Variants in ALDH4A1 observed in about 807,000 individuals in gnomAD.
The protein encoded by ALDH4A1 is aldehyde dehydrogenase 4 family member A1, also known as delta-1-pyrroline-5-carboxylate dehydrogenase, mitochondrial.
In ALDH4A1, 46 loss-of-function variants were observed where a neutral mutation model predicts 70.5. That is an observed-to-expected ratio of 0.65 (90% CI 0.51 to 0.83). The LOEUF is 0.83. Among genes scored for constraint, ALDH4A1 ranks in the 40% least tolerant of loss-of-function variants. The probability of loss-of-function intolerance (pLI) is 0.00; values close to 1 mark genes in which losing one functional copy is unlikely to be tolerated. For synonymous variants in ALDH4A1, 323 were observed against 324.3 expected, an observed-to-expected ratio of 1.00 and a Z score of 0.04; for missense variants, 749 against 766.5, an observed-to-expected ratio of 0.98 and a Z score of 0.27.
intron 14 of ALDH4A1, 131 bp from the exon 15 acceptor site, chr1:18,873,088 G>C (rs958308175): frequency 1.3e-6 from 1 of 771,974 alleles, no homozygotes; most frequent in Non-Finnish European, 2.2e-6. Flanking sequence ...CAAGCTTGGG[G>C]CATGCAGAAG....
Position 18,873,021 on chromosome 1 carries a change from G to T in ALDH4A1, c.1580-64C>A. The T allele has an allele frequency of 2.1e-6, 3 of 1,396,582 alleles. No homozygotes were observed. In the South Asian group the frequency reaches 3.5e-5, roughly 16 times the overall value. The allele number at this position is 1,396,582 out of a possible 1,614,324, so 86.5% of individuals were successfully genotyped here. A position where few individuals can be genotyped will look rare whatever the true frequency, so the allele number is the denominator to read the frequency against. On this transcript the variant is annotated intron_variant, in intron 14 of 14. Coordinates refer to ENST00000375341, the MANE Select transcript of ALDH4A1 (RefSeq NM_003748.4). The stretch of plus-strand genomic sequence containing the variant: ...CAACAGCCTGGGCAGAAGGGGAAGG[G>T]AGGAGATGATGGAATCAACGGACCA...
At chr1:18,899,675 T>C (rs1935735597) in intron 1 of ALDH4A1, among the ~76,000 whole-genome samples, 1 of 152,222 alleles carries the variant, frequency 6.6e-6, no homozygotes, top group Non-Finnish European at 1.5e-5. Flanking sequence ...ATGGGGGTGG[T>C]AACCCCTACA....
intron 7 of ALDH4A1, 46 bp from the exon 8 acceptor site, chr1:18,881,933 C>T (rs749411933): frequency 1.8e-4 from 284 of 1,544,776 alleles, no homozygotes; most frequent in South Asian, 3.5e-4. Context: ...GCGCCACCAG[C>T]CCCCAACCCC....
At chr1:18,878,991 A>T (rs1001545172) in intron 9 of ALDH4A1, among the ~76,000 whole-genome samples, 1 of 152,294 alleles carries the variant, frequency 6.6e-6, no homozygotes, top group South Asian at 2.1e-4. Context: ...CACGGCAGCC[A>T]CCAGCCACGA....
At chr1:18,889,575 G>T in intron 2 of ALDH4A1, 121 bp from the exon 3 acceptor site, 1 of 885,008 alleles carries the variant, frequency 1.1e-6, no homozygotes, top group Non-Finnish European at 1.8e-6. Flanking sequence ...AAGGGGGCCA[G>T]GCCAGGTCGG....
chr1:18,876,264 G>A lies in ALDH4A1; in HGVS notation c.1338+51C>T, dbSNP rs75470388. On this transcript the variant is annotated intron_variant, in intron 12 of 14. Transcript: ENST00000375341. ...TCCAGGAGAACTGTGTGTGTGCTGT[G>A]CTCCGGTGGGATTGTCCTCCTCTGG... The A allele has an allele frequency of 2.8e-4, 452 of 1,597,968 alleles. 1 individual carries two copies. In the East Asian group the frequency reaches 9.6e-3, roughly 34 times the overall value.
intron 1 of ALDH4A1, among the ~76,000 whole-genome samples, chr1:18,896,066 G>A (rs911774920): frequency 7.9e-5 from 12 of 152,230 alleles, no homozygotes; most frequent in Non-Finnish European, 1.6e-4. Context: ...TGCTTGAGAT[G>A]TCCTCCACTG....
At chr1:18,902,300 C>G (rs576300110) in intron 1 of ALDH4A1, among the ~76,000 whole-genome samples, 162 bp downstream of exon 1, 2 of 152,154 alleles carry the variant, frequency 1.3e-5, no homozygotes, top group Non-Finnish European at 2.9e-5. Flanking sequence ...GGAGAAAGGC[C>G]TGGGTGGGGG....
rs1935682336 is a variant in ALDH4A1 at position 18,898,045 on chromosome 1, G to C, written c.62+4417C>G. ...AAACCCTAACAGAAGGTCGGACGCA[G>C]TGGCTCACGCCTATAATCCCAGCAC... On this transcript the variant is annotated intron_variant, in intron 1 of 14. Coordinates refer to ENST00000375341, the MANE Select transcript of ALDH4A1 (RefSeq NM_003748.4). The surrounding 1 kb of genome is among the most constrained non-coding windows in gnomAD (Gnocchi z 4.3). Among the ~76,000 whole-genome samples, 1 of 152,196 alleles carries C rather than the reference G, an allele frequency of 6.6e-6. No individual in the cohort carries two copies. The highest frequency in any genetic ancestry group is 2.4e-5 in the African/African-American group (1 of 41,444).
At position 18,876,312 on chromosome 1, in the gene ALDH4A1, C is replaced by T. The variant is rs1411173232; in HGVS notation, c.1338+3G>A. The T allele has an allele frequency of 1.9e-6, 3 of 1,613,614 alleles. No individual in the cohort carries two copies. The South Asian group carries it at 3.3e-5, about 18-fold the overall frequency. ...TGGACCCCAGGCTGCCCACCCCAGT[C>T]ACCTCCTTCATGATGGGCTCCTGAG... On this transcript the variant is annotated splice_donor_region_variant and intron_variant, in intron 12 of 14. Transcript: ENST00000375341.
chr1:18,900,778 G>T, intron 1 of ALDH4A1: 1 of 872,816 alleles, frequency 1.1e-6, no homozygotes, highest in Non-Finnish European at 1.4e-6. Flanking sequence ...TCATAATTCA[G>T]AGCATAAATC....
chr1:18,894,865 CTTTTTTTTT>C (rs34445898), intron 1 of ALDH4A1, among the ~76,000 whole-genome samples: 2 of 109,968 alleles, frequency 1.8e-5, no homozygotes, highest in African/African-American at 6.9e-5. Context: ...TTCTTTCTTT[CTTTTTTTTT>C]TTTTTTTTTT....
intron 1 of ALDH4A1, among the ~76,000 whole-genome samples, chr1:18,893,311 C>T (rs7534676): frequency 0.092 from 13,994 of 152,164 alleles, 1,034 homozygotes; most frequent in African/African-American, 0.21. Context: ...CTCAGAGCAG[C>T]GTGAGCTATG....
chr1:18,891,237 A>C (rs1289407249), intron 1 of ALDH4A1, among the ~76,000 whole-genome samples: 1 of 152,234 alleles, frequency 6.6e-6, no homozygotes, highest in Non-Finnish European at 1.5e-5. Context: ...GATGATGACA[A>C]AGTCAACTAA....
intron 1 of ALDH4A1, chr1:18,901,024 GC>G: frequency 2.0e-6 from 1 of 500,738 alleles, no homozygotes; most frequent in Non-Finnish European, 2.6e-6. Context: ...CTCCTCAAAG[GC>G]CCCACCCCAT....
At chr1:18,884,687 G>A (rs1935121872) in intron 5 of ALDH4A1, among the ~76,000 whole-genome samples, 1 of 152,222 alleles carries the variant, frequency 6.6e-6, no homozygotes, top group Admixed American at 6.5e-5. Context: ...TAAAGGGGCA[G>A]TACCTAGGAA....
intron 12 of ALDH4A1, 93 bp downstream of exon 12, chr1:18,876,222 T>TGAA: frequency 6.6e-7 from 1 of 1,521,876 alleles, no homozygotes; most frequent in East Asian, 2.3e-5. Flanking sequence ...GCCTCATCTG[T>TGAA]GAAATGGGAG....
Position 18,879,281 on chromosome 1 carries a change from G to A in ALDH4A1, c.940+19C>T, listed in dbSNP as rs369056287. On this transcript the variant is annotated intron_variant, in intron 9 of 14. Transcript: ENST00000375341. ...GGTCCCTGGGGCCACACGGGAGGAG[G>A]AGGTGAGGCAGGCCTTACCTCCAGC... 2 of 1,598,444 alleles carry A rather than the reference G, an allele frequency of 1.3e-6. No homozygotes were observed. Among genetic ancestry groups the A allele is most frequent in the Admixed American group, 1.7e-5 (1 of 57,768 alleles).
chr1:18,877,322 C>G, intron 10 of ALDH4A1, 67 bp from the exon 11 acceptor site: 1 of 1,561,066 alleles, frequency 6.4e-7, no homozygotes, highest in Non-Finnish European at 8.7e-7. Context: ...GACCCCTCCC[C>G]GCACACCCCA....
Sources: allele counts gnomAD v4.1 joint callset (sites outside exome capture counted in the v4.1 genomes callset), GRCh38; gene constraint gnomAD v4.1.1; non-coding constraint Gnocchi (gnomAD v3.1); transcripts MANE v1.5; gene names NCBI Gene and HGNC (gene_info 2026-07-23, HGNC 2026-07-21).